Variants in PPP1R21 observed in about 807,000 individuals in gnomAD.
PPP1R21 encodes protein phosphatase 1 regulatory subunit 21.
PPP1R21 carries 85 observed loss-of-function variants against 112.8 expected under a neutral mutation model. The ratio of observed to expected loss-of-function variants is 0.75; its 90% CI spans 0.63 to 0.90. The LOEUF is 0.90. PPP1R21 is among the 40% of genes least tolerant of loss of function. The probability of loss-of-function intolerance (pLI) is 0.00; values close to 1 mark genes in which losing one functional copy is unlikely to be tolerated. For synonymous variants in PPP1R21, 381 were observed against 322.3 expected (o/e 1.18, Z -1.95); for missense variants, 1,199 against 901.5 (o/e 1.33, Z -4.23).
chr2:48,487,858 A>G (rs1430260281), intron 14 of PPP1R21, among the ~76,000 whole-genome samples: 2 of 152,182 alleles, frequency 1.3e-5, no homozygotes, highest in Admixed American at 6.5e-5. Flanking sequence ...GTCATCAACA[A>G]CTTTAATGAT....
At chr2:48,505,966 T>C (rs1670354904) in intron 18 of PPP1R21, among the ~76,000 whole-genome samples, 1 of 152,210 alleles carries the variant, frequency 6.6e-6, no homozygotes, top group Non-Finnish European at 1.5e-5. Flanking sequence ...AAGGGCTATC[T>C]AGGGCCTTGA....
At chr2:48,488,988 C>T (rs539871471) in intron 14 of PPP1R21, among the ~76,000 whole-genome samples, 1 of 152,252 alleles carries the variant, frequency 6.6e-6, no homozygotes, top group South Asian at 2.1e-4. Flanking sequence ...ATATATAGCT[C>T]AAGATTTTTG....
In PPP1R21 at chr2:48,486,949, C is replaced by T. The variant is rs981618584; in HGVS notation, c.1446+191C>T. Among the ~76,000 whole-genome samples, 5 of 152,182 alleles carry T rather than the reference C, an allele frequency of 3.3e-5. No homozygotes were observed. The East Asian group carries it at 9.6e-4, about 29-fold the overall frequency. On this transcript the variant is annotated intron_variant, in intron 14 of 21. Transcript: ENST00000294952. ...TTATTATTTTAAGAGAGGGATCTCT[C>T]GCTATGTTGCCAGGCTTGACTCAAA...
chr2:48,473,192 T>G (rs1054452713), intron 11 of PPP1R21, among the ~76,000 whole-genome samples: 2 of 151,976 alleles, frequency 1.3e-5, no homozygotes, highest in African/African-American at 2.4e-5. Flanking sequence ...TTTGTGCATA[T>G]GATAGGATAT....
intron 18 of PPP1R21, 138 bp from the exon 19 acceptor site, chr2:48,507,131 G>T: frequency 1.6e-6 from 2 of 1,251,624 alleles, no homozygotes; most frequent in Admixed American, 4.1e-5. Flanking sequence ...AAGTTTCTTC[G>T]AGGGGGTAGG....
intron 11 of PPP1R21, among the ~76,000 whole-genome samples, chr2:48,472,997 G>A (rs576122970): frequency 7.1e-6 from 1 of 141,434 alleles, no homozygotes; most frequent in Admixed American, 7.2e-5. Flanking sequence ...TAGAGTCCCT[G>A]TCTCTTAAAA....
rs1218059653 is a variant in PPP1R21 at position 48,469,375 on chromosome 2, T to TAGAG, written c.898-1711_898-1710insGAGA. ...CATATATATATAGAGCATATATATA[T>TAGAG]ATAGCATATATATATAGAGCATATA... On this transcript the variant is annotated intron_variant, in intron 9 of 21. Transcript: ENST00000294952. Among the ~76,000 whole-genome samples the TAGAG allele has an allele frequency of 3.3e-3, 42 of 12,730 alleles. 1 individual carries two copies. The highest frequency in any genetic ancestry group is 7.4e-3 in the South Asian group (2 of 270). The allele number at this position is 12,730 out of a possible 152,430, so 8.4% of individuals were successfully genotyped here. A position where few individuals can be genotyped will look rare whatever the true frequency, so the allele number is the denominator to read the frequency against.
At chr2:48,496,618 C>T (rs1572886965) in intron 16 of PPP1R21, among the ~76,000 whole-genome samples, 1 of 152,138 alleles carries the variant, frequency 6.6e-6, no homozygotes, top group Non-Finnish European at 1.5e-5. Flanking sequence ...CAGGTGCATA[C>T]CACCATGCCC....
chr2:48,478,652 A>G (rs1668866072), intron 12 of PPP1R21, among the ~76,000 whole-genome samples: 1 of 152,228 alleles, frequency 6.6e-6, no homozygotes, highest in South Asian at 2.1e-4. Context: ...CCTAGCAGGT[A>G]GAGTTTTTTG....
rs1441069308 is a variant in PPP1R21, at chr2:48,515,225, T to TCTCTCTCTCTCTCC, written c.*494_*495insCCTCTCTCTCTCTC. The stretch of plus-strand genomic sequence containing the variant: ...AAAGATTTGTTCATATTTCTCTCTC[T>TCTCTCTCTCTCTCC]CTCTCTCTCTCTCTCTCTCTCTTCT... On this transcript the variant is annotated 3_prime_UTR_variant, in exon 22 of 22. Transcript: ENST00000294952. 1.3e-5 allele frequency: 2 copies of TCTCTCTCTCTCTCC among 152,528 alleles called. No homozygotes were observed. Among genetic ancestry groups the TCTCTCTCTCTCTCC allele is most frequent in the South Asian group, 2.1e-4 (1 of 4,832 alleles). The allele number at this position is 152,528 out of a possible 1,614,324, so 9.4% of individuals were successfully genotyped here. A position where few individuals can be genotyped will look rare whatever the true frequency, so the allele number is the denominator to read the frequency against.
chr2:48,494,232 C>A (rs1201707339), intron 15 of PPP1R21, among the ~76,000 whole-genome samples: 1 of 73,656 alleles, frequency 1.4e-5, no homozygotes, highest in African/African-American at 6.4e-5. Context: ...AAAGTGAGAC[C>A]TTGTCTCAAA....
At chr2:48,454,286 A>G (rs1667612037) in intron 2 of PPP1R21, among the ~76,000 whole-genome samples, 1 of 152,064 alleles carries the variant, frequency 6.6e-6, no homozygotes, top group African/African-American at 2.4e-5. Flanking sequence ...AAATAAATAA[A>G]TAAATCAAAT....
Position 48,441,021 on chromosome 2 carries a change from T to A in PPP1R21, c.57+11T>A, listed in dbSNP as rs1667001336. The A allele has an allele frequency of 1.3e-6, 2 of 1,598,642 alleles. No individual in the cohort carries two copies. The highest frequency in any genetic ancestry group is 2.7e-5 in the African/African-American group (2 of 74,574). Reference sequence around the variant, plus strand: ...CAGGAGTACTCGAAGGTACCCATCGTGGTCTGGGAGTAGGGGGTCCCCCGC... The same window carrying A: ...CAGGAGTACTCGAAGGTACCCATCGAGGTCTGGGAGTAGGGGGTCCCCCGC... On this transcript the variant is annotated intron_variant, in intron 1 of 21. Coordinates refer to ENST00000294952, the MANE Select transcript of PPP1R21 (RefSeq NM_001135629.3).
chr2:48,499,254 G>A (rs1014806836), intron 17 of PPP1R21, among the ~76,000 whole-genome samples: 3 of 152,098 alleles, frequency 2.0e-5, no homozygotes, highest in African/African-American at 7.2e-5. Context: ...CCTTCAAAAA[G>A]TAACCATTAA....
chr2:48,459,587 A>C (rs1372999200), intron 4 of PPP1R21, among the ~76,000 whole-genome samples, 167 bp from the exon 5 acceptor site: 3 of 152,220 alleles, frequency 2.0e-5, no homozygotes, highest in East Asian at 3.8e-4. Context: ...AACAGTAGCT[A>C]CTTCTGATAT....
At position 48,457,944 on chromosome 2, in the gene PPP1R21, C is replaced by T. The variant is rs539891630; in HGVS notation, c.274-182C>T. Reference sequence around the variant, plus strand: ...GCTTTCCTGCTCCTTACAATATTTGCAGTTTCAACTTGTGTCACATAGGAA... The same window carrying T: ...GCTTTCCTGCTCCTTACAATATTTGTAGTTTCAACTTGTGTCACATAGGAA... On this transcript the variant is annotated intron_variant, in intron 3 of 21. Coordinates refer to ENST00000294952, the MANE Select transcript of PPP1R21 (RefSeq NM_001135629.3). 7.1e-6 allele frequency: 4 copies of T among 564,470 alleles called. No homozygotes were observed. The East Asian group carries it at 1.6e-4, about 22-fold the overall frequency. 35.0% of individuals were successfully genotyped at this position (564,470 alleles called of 1,614,324 possible). A position where few individuals can be genotyped will look rare whatever the true frequency, so the allele number is the denominator to read the frequency against.
intron 1 of PPP1R21, among the ~76,000 whole-genome samples, chr2:48,447,642 A>G (rs1354249112): frequency 6.6e-6 from 1 of 152,144 alleles, no homozygotes; most frequent in Non-Finnish European, 1.5e-5. Context: ...GGTGCAGAGA[A>G]AGATAGATTC....
At chr2:48,470,212 A>G (rs2103845655) in intron 9 of PPP1R21, among the ~76,000 whole-genome samples, 1 of 152,280 alleles carries the variant, frequency 6.6e-6, no homozygotes, top group African/African-American at 2.4e-5. Flanking sequence ...TAAGGTTATC[A>G]GTGACAGTTA....
intron 3 of PPP1R21, among the ~76,000 whole-genome samples, chr2:48,455,729 T>C (rs1003793782): frequency 1.3e-5 from 2 of 151,908 alleles, no homozygotes; most frequent in South Asian, 2.1e-4. Flanking sequence ...CATATGAAAG[T>C]AGCGGCCGGG....
Sources: gnomAD v4.1 joint callset for allele counts (sites outside exome capture counted in the v4.1 genomes callset) on GRCh38, gnomAD v4.1.1 for gene constraint, MANE v1.5 for transcripts, NCBI Gene and HGNC (gene_info 2026-07-23, HGNC 2026-07-21) for gene names.